The following TRPS1 variants were observed in gnomAD, a reference collection of about 807,000 sequenced individuals.
The protein encoded by TRPS1 is zinc finger transcription factor Trps1.
A neutral mutation model predicts 101.2 loss-of-function variants in TRPS1; 6 were observed. The observed-to-expected ratio is 0.06, with a 90% CI of 0.03 to 0.12. TRPS1 has a LOEUF of 0.12. TRPS1 is among the 10% of genes least tolerant of loss of function. The pLI is 1.00. For synonymous variants in TRPS1, 578 were observed against 589.8 expected, an observed-to-expected ratio of 0.98 and a Z score of 0.29; for missense variants, 1,363 against 1,567.0, an observed-to-expected ratio of 0.87 and a Z score of 2.20.
intron 5 of TRPS1, among the ~76,000 whole-genome samples, chr8:115,574,872 G>A (rs915367675): frequency 7.9e-5 from 12 of 152,036 alleles, no homozygotes; most frequent in Admixed American, 7.2e-4. Context: ...CTCAAGAAAT[G>A]CACCTTATTC....
chr8:115,538,160 A>C lies in TRPS1; in HGVS notation c.2700+48841T>G, dbSNP rs143085228. 5.3e-3 allele frequency among the ~76,000 whole-genome samples: 811 copies of C among 151,798 alleles called. 9 individuals carry two copies. The highest frequency in any genetic ancestry group is 0.027 in the Middle Eastern group (8 of 294). On this transcript the variant is annotated intron_variant, in intron 5 of 6. Coordinates refer to ENST00000395715, the MANE Select transcript of TRPS1 (RefSeq NM_014112.5). ...CGTGTGCATTTTCCCGTAATCTCTCAACAGCCAAAGACAAGGATAGACGGA... is the reference window on the plus strand; with the variant it reads ...CGTGTGCATTTTCCCGTAATCTCTCCACAGCCAAAGACAAGGATAGACGGA...
intron 5 of TRPS1, among the ~76,000 whole-genome samples, chr8:115,461,720 T>C (rs1308929667): frequency 6.6e-6 from 1 of 152,202 alleles, no homozygotes; most frequent in African/African-American, 2.4e-5. Context: ...TTCTGAGTTC[T>C]ACATTGAGAA....
chr8:115,475,775 C>T (rs1051348331), intron 5 of TRPS1, among the ~76,000 whole-genome samples: 2 of 151,984 alleles, frequency 1.3e-5, no homozygotes, highest in African/African-American at 4.8e-5. Context: ...CTATCAATTA[C>T]AAAACAAAAG....
At chr8:115,667,908 T>G in intron 1 of TRPS1, 1 of 1,535,394 alleles carries the variant, frequency 6.5e-7, no homozygotes, top group Non-Finnish European at 8.7e-7. Flanking sequence ...TGCGCCCCGC[T>G]TGTCACGAGC....
chr8:115,426,740 T>C (rs192532500), intron 5 of TRPS1, among the ~76,000 whole-genome samples: 75 of 152,290 alleles, frequency 4.9e-4, no homozygotes, highest in African/African-American at 1.8e-3. Context: ...CAAAAGCATG[T>C]CCCTCACAAA....
intron 5 of TRPS1, among the ~76,000 whole-genome samples, chr8:115,469,630 C>T (rs1586305151): frequency 7.0e-6 from 1 of 142,808 alleles, no homozygotes; most frequent in African/African-American, 3.1e-5. Context: ...TCCCAAGTAG[C>T]TGGAAGCTCC....
chr8:115,544,723 A>G (rs1266083666), intron 5 of TRPS1, among the ~76,000 whole-genome samples: 4 of 152,112 alleles, frequency 2.6e-5, no homozygotes, highest in Non-Finnish European at 5.9e-5. Flanking sequence ...TGCATTCGTT[A>G]ACACCCTTTC....
At chr8:115,574,946 T>C (rs753467205) in intron 5 of TRPS1, among the ~76,000 whole-genome samples, 34 of 152,246 alleles carry the variant, frequency 2.2e-4, no homozygotes, top group Admixed American at 7.2e-4. Context: ...TTCTATTTCT[T>C]AGCTATCACT....
chr8:115,535,084 CATAT>C (rs1465906115), intron 5 of TRPS1, among the ~76,000 whole-genome samples: 2 of 144,534 alleles, frequency 1.4e-5, no homozygotes, highest in African/African-American at 5.1e-5. Context: ...ATATATATAG[CATAT>C]ATATCGCATA....
Position 115,620,005 on chromosome 8 carries a change from G to A in TRPS1, c.93C>T (p.Gly31=), listed in dbSNP as rs1401884104. ...CTGTACCTATAGGCTCCAGGATCTG[G>A]CCCTCGCCTTCACTTGCAACGTTTC... The part of the protein sequence containing the change: ...PLRNVASEGE[G]QILEPIGTES... Residue 31 remains glycine, a synonymous_variant, in exon 3 of 7, where the codon GGC becomes GGT. Coordinates refer to ENST00000395715, the MANE Select transcript of TRPS1 (RefSeq NM_014112.5). 1 of 1,614,128 alleles carries A rather than the reference G, an allele frequency of 6.2e-7. No individual in the cohort carries two copies. Among genetic ancestry groups the A allele is most frequent in the Non-Finnish European group, 8.5e-7 (1 of 1,180,028 alleles).
At chr8:115,465,526 T>C (rs1040029372) in intron 5 of TRPS1, among the ~76,000 whole-genome samples, 2 of 152,126 alleles carry the variant, frequency 1.3e-5, no homozygotes, top group Admixed American at 6.6e-5. Context: ...AAGTCTGTTG[T>C]ATTCTCTTAT....
intron 5 of TRPS1, among the ~76,000 whole-genome samples, chr8:115,467,033 T>C (rs1814339421): frequency 6.6e-6 from 1 of 152,190 alleles, no homozygotes; most frequent in African/African-American, 2.4e-5. Flanking sequence ...GTTGGTACGA[T>C]CTCACCATAG....
chr8:115,551,582 T>C (rs1378550589), intron 5 of TRPS1, among the ~76,000 whole-genome samples: 1 of 152,200 alleles, frequency 6.6e-6, no homozygotes, highest in Non-Finnish European at 1.5e-5. Context: ...GTGCAGAGTA[T>C]TGAGAGTTCA....
rs565045941 is a variant in TRPS1, at chr8:115,610,740, C to G, written c.967-5738G>C. ...AAACAGTTTACCCTAAACTGGTTTT[C>G]TCATTTTACTCAGTATAATTCTGAA... On this transcript the variant is annotated intron_variant, in intron 3 of 6. Transcript: ENST00000395715. Among the ~76,000 whole-genome samples, 7 of 152,240 alleles carry G rather than the reference C, an allele frequency of 4.6e-5. No homozygotes were observed. In the South Asian group the frequency reaches 6.2e-4, roughly 14 times the overall value.
intron 5 of TRPS1, among the ~76,000 whole-genome samples, chr8:115,559,182 A>G (rs1296252924): frequency 3.3e-5 from 5 of 152,162 alleles, no homozygotes; most frequent in African/African-American, 1.2e-4. Context: ...CATTTATGCT[A>G]CCCAGTTTAT....
At chr8:115,429,429 TG>T (rs1477575874) in intron 5 of TRPS1, among the ~76,000 whole-genome samples, 2 of 152,156 alleles carry the variant, frequency 1.3e-5, no homozygotes, top group African/African-American at 2.4e-5. Flanking sequence ...TACATTGTCT[TG>T]GGTAGGAAAC....
Position 115,619,809 on chromosome 8 carries a change from C to G in TRPS1, c.289G>C (p.Ala97Pro). 6.2e-7 allele frequency: 1 copy of G among 1,614,196 alleles called. No individual in the cohort carries two copies. The change falls in exon 3 of 7, where the codon GCT (alanine) becomes CCT (proline). Residue 97 changes from alanine to proline, a missense_variant. Around this residue, in one of 5 missense-constraint regions of TRPS1, gnomAD observed 1,020 missense variants for 1,073.0 expected, o/e 0.95. Coordinates refer to ENST00000395715, the MANE Select transcript of TRPS1 (RefSeq NM_014112.5). ...CTGGGGCTTTCATAATTGAAGCCAG[C>G]CTTCTCACTCAGAACTGCGCTTTTC... is the stretch of plus-strand genomic sequence containing the variant. The part of the protein sequence containing the change: ...DLKSAVLSEK[A>P]GFNYESPSKG...
At chr8:115,623,507 T>C in intron 2 of TRPS1, 94 bp downstream of exon 2, 7 of 1,460,744 alleles carry the variant, frequency 4.8e-6, no homozygotes, top group Non-Finnish European at 5.7e-6. Flanking sequence ...CTCAAGTTAT[T>C]ATCTCTAAGA....
chr8:115,414,200 G>T lies in TRPS1; in HGVS notation c.3708C>A (p.Val1236=). 1 of 1,614,054 alleles carries T rather than the reference G, an allele frequency of 6.2e-7. No homozygotes were observed. Among genetic ancestry groups the T allele is most frequent in the African/African-American group, 1.3e-5 (1 of 75,042 alleles). Reference sequence around the variant, plus strand: ...AAGCATACATCACTTCATCCAGAAAGACAATGCCACAGTGCACACATTTTG... The same window carrying T: ...AAGCATACATCACTTCATCCAGAAATACAATGCCACAGTGCACACATTTTG... The part of the protein sequence containing the change: ...LSTKCVHCGI[V]FLDEVMYALH... The change falls in exon 7 of 7, where the codon GTC becomes GTA. Residue 1236 remains valine (V), a synonymous_variant. Transcript: ENST00000395715. The surrounding 1 kb of genome is among the most constrained non-coding windows in gnomAD (Gnocchi z 4.8).
Sources: gnomAD v4.1 joint callset for allele counts (sites outside exome capture counted in the v4.1 genomes callset) on GRCh38, gnomAD v4.1.1 for gene constraint, gnomAD v4.1.1 regional missense constraint, Gnocchi (gnomAD v3.1) non-coding constraint, MANE v1.5 for transcripts, NCBI Gene and HGNC (gene_info 2026-07-23, HGNC 2026-07-21) for gene names.